PACC1: variants seen among roughly 807,000 people sequenced by gnomAD.
PACC1 encodes the protein proton-activated chloride channel.
PACC1 carries 34 observed loss-of-function variants against 39.7 expected under a neutral mutation model. The ratio of observed to expected loss-of-function variants is 0.86; its 90% CI spans 0.65 to 1.14. PACC1 has a LOEUF of 1.14. PACC1 is among the 50% of genes most tolerant of loss of function. The probability of loss-of-function intolerance (pLI) is 0.00; values close to 1 mark genes in which losing one functional copy is unlikely to be tolerated. For missense variants in PACC1, 379 were observed against 436.4 expected, an observed-to-expected ratio of 0.87 and a Z score of 1.17; for synonymous variants, 127 against 160.6, an observed-to-expected ratio of 0.79 and a Z score of 1.58.
chr1:212,380,137 G>C, intron 4 of PACC1, 100 bp from the exon 5 acceptor site: 1 of 1,298,734 alleles, frequency 7.7e-7, no homozygotes, highest in Non-Finnish European at 1.1e-6. Flanking sequence ...ATAGCTCCTT[G>C]CCCAGTGGTC....
rs792449 is a variant in PACC1, at chr1:212,386,985, G to A, written c.249C>T (p.Phe83=). Residue 83 remains phenylalanine (F), a synonymous_variant, in exon 3 of 8, where the codon TTC becomes TTT. Transcript: ENST00000261455. This position sits in a 1 kb window ranked among gnomAD's most constrained non-coding sequence, Gnocchi z 5.0. ...IYLLLMAVAV[F]LVYRTITDFR... is the part of the protein sequence containing the mutation. Reference sequence around the variant, plus strand: ...AGTCTGTGATGGTCCGGTAGACCAGGAAGACGGCCACAGCCATGAGCAGCA... The same window carrying A: ...AGTCTGTGATGGTCCGGTAGACCAGAAAGACGGCCACAGCCATGAGCAGCA... 0.017 allele frequency: 27,547 copies of A among 1,614,216 alleles called. 303 individuals are homozygous for A. Among genetic ancestry groups the A allele is most frequent in the Non-Finnish European group, 0.019 (22,249 of 1,180,042 alleles).
intron 1 of PACC1, among the ~76,000 whole-genome samples, chr1:212,411,016 T>C (rs1442723095): frequency 1.3e-5 from 2 of 152,232 alleles, no homozygotes; most frequent in Non-Finnish European, 2.9e-5. Context: ...ACCAGCCATG[T>C]TGGATTAGGG....
chr1:212,397,361 G>A (rs1168971057), intron 2 of PACC1, among the ~76,000 whole-genome samples: 5 of 152,094 alleles, frequency 3.3e-5, no homozygotes, highest in Admixed American at 6.5e-5. Flanking sequence ...GGACTAAACC[G>A]TCCAATTAAA....
At chr1:212,380,160 A>C in intron 4 of PACC1, 123 bp from the exon 5 acceptor site, 2 of 1,003,022 alleles carry the variant, frequency 2.0e-6, no homozygotes, top group South Asian at 3.2e-5. Context: ...CAAAGGGACC[A>C]CTAGCCAACA....
In PACC1 at chr1:212,414,877, C is replaced by T. The variant is rs1411853286; in HGVS notation, c.-120G>A. 20 of 1,333,810 alleles carry T rather than the reference C, an allele frequency of 1.5e-5. No individual in the cohort carries two copies. Among genetic ancestry groups the T allele is most frequent in the South Asian group, 7.8e-5 (6 of 76,894 alleles). 82.6% of individuals were successfully genotyped at this position (1,333,810 alleles called of 1,614,324 possible). A position where few individuals can be genotyped will look rare whatever the true frequency, so the allele number is the denominator to read the frequency against. On this transcript the variant is annotated 5_prime_UTR_variant, in exon 1 of 8. Transcript: ENST00000261455. ...GCGAGGCGAAACCGGTCCGGAGGGG[C>T]GTCCCAGAGACCAGGCGTGGCGATA... is the stretch of plus-strand genomic sequence containing the variant.
At position 212,365,278 on chromosome 1, in the gene PACC1, C is replaced by A; in HGVS notation, c.990G>T (p.Trp330Cys). Reference protein sequence around the residue: ...AAEFAKLSIKWMIKIRKRYLK... With the variant: ...AAEFAKLSIKCMIKIRKRYLK... ...GGTATCTCTTTCTAATTTTGATCAT[C>A]CATTTTATACTCAGTTTGGCAAACT... The change falls in exon 8 of 8, where the codon TGG becomes TGT. Residue 330 changes from tryptophan (W) to cysteine (C), a missense_variant. Trp to Cys is a radical substitution (Grantham distance 215, BLOSUM62 -2). Coordinates refer to ENST00000261455, the MANE Select transcript of PACC1 (RefSeq NM_018252.3). 1 of 1,613,594 alleles carries A rather than the reference C, an allele frequency of 6.2e-7. No homozygotes were observed. The highest frequency in any genetic ancestry group is 8.5e-7 in the Non-Finnish European group (1 of 1,179,816).
chr1:212,376,358 T>C (rs1300546625), intron 6 of PACC1, among the ~76,000 whole-genome samples: 1 of 152,170 alleles, frequency 6.6e-6, no homozygotes, highest in Non-Finnish European at 1.5e-5. Context: ...AAAGAGCTCA[T>C]AATGCCAACA....
intron 4 of PACC1, among the ~76,000 whole-genome samples, chr1:212,381,695 GCACACA>G (rs58078220): frequency 0.025 from 3,014 of 122,736 alleles, 115 homozygotes; most frequent in African/African-American, 0.08. Context: ...CACACACACT[GCACACA>G]CACACACACA....
rs939498179 is a variant in PACC1 at position 212,363,965 on chromosome 1, A to G, written c.*1250T>C. ...GTTCACTTTTAATCATTCATCCAAA[A>G]AACAGTTTCTTCCCATTTAAAATGC... On this transcript the variant is annotated 3_prime_UTR_variant, in exon 8 of 8. Coordinates refer to ENST00000261455, the MANE Select transcript of PACC1 (RefSeq NM_018252.3). 1 of 152,200 alleles carries G rather than the reference A, an allele frequency of 6.6e-6. No homozygotes were observed. The highest frequency in any genetic ancestry group is 1.9e-4 in the East Asian group (1 of 5,196). 9.4% of individuals were successfully genotyped at this position (152,200 alleles called of 1,614,324 possible). A position where few individuals can be genotyped will look rare whatever the true frequency, so the allele number is the denominator to read the frequency against.
At chr1:212,388,685 T>C (rs1171070150) in intron 2 of PACC1, among the ~76,000 whole-genome samples, 1 of 152,218 alleles carries the variant, frequency 6.6e-6, no homozygotes, top group African/African-American at 2.4e-5. Flanking sequence ...AATTCAATCC[T>C]GCTGGCACCT....
At chr1:212,375,826 A>G (rs1660645176) in intron 6 of PACC1, among the ~76,000 whole-genome samples, 1 of 152,190 alleles carries the variant, frequency 6.6e-6, no homozygotes, top group African/African-American at 2.4e-5. Context: ...CAGAGGTTGC[A>G]GTGAGCCGAA....
chr1:212,379,802 G>A lies in PACC1; in HGVS notation c.638+93C>T, dbSNP rs1660807577. On this transcript the variant is annotated intron_variant, in intron 5 of 7. Transcript: ENST00000261455. ...TCTGAGAATGCCCCTTCCCTTCCCT[G>A]CCCTCACCCCTCCGTCTCTAGCCTT... The A allele has an allele frequency of 2.0e-6, 3 of 1,514,068 alleles. No homozygotes were observed. In the South Asian group the frequency reaches 3.6e-5, roughly 18 times the overall value. 93.8% of individuals were successfully genotyped at this position (1,514,068 alleles called of 1,614,324 possible).
rs1662072033 is a variant in PACC1, at chr1:212,410,191, C to T, written c.133+234G>A. ...GATCCAAAGCATTTGCCATTGTATGCAATGACCTGACCTCAGGAAGTGGCT... is the reference window on the plus strand; with the variant it reads ...GATCCAAAGCATTTGCCATTGTATGTAATGACCTGACCTCAGGAAGTGGCT... On this transcript the variant is annotated intron_variant, in intron 2 of 7. Coordinates refer to ENST00000261455, the MANE Select transcript of PACC1 (RefSeq NM_018252.3). 5.8e-6 allele frequency: 3 copies of T among 513,838 alleles called. No homozygotes were observed. In the Admixed American group the frequency reaches 9.5e-5, roughly 16 times the overall value. The allele number at this position is 513,838 out of a possible 1,614,324, so 31.8% of individuals were successfully genotyped here.
chr1:212,384,149 T>TA (rs1661009482), intron 4 of PACC1, among the ~76,000 whole-genome samples: 1 of 152,204 alleles, frequency 6.6e-6, no homozygotes, highest in African/African-American at 2.4e-5. Flanking sequence ...TTTTATGCTT[T>TA]ATACCAGTTC....
At chr1:212,373,449 T>G (rs916035454) in intron 7 of PACC1, among the ~76,000 whole-genome samples, 7 of 152,156 alleles carry the variant, frequency 4.6e-5, no homozygotes, top group Non-Finnish European at 7.4e-5. Context: ...AAGATCTTTT[T>G]GGTAAGACCT....
intron 1 of PACC1, among the ~76,000 whole-genome samples, chr1:212,411,580 G>C (rs1263161681): frequency 6.6e-6 from 1 of 152,184 alleles, no homozygotes; most frequent in Non-Finnish European, 1.5e-5. Flanking sequence ...GAGGGCAAGA[G>C]AGCTCAAGAC....
chr1:212,411,162 AC>A (rs1352803113), intron 1 of PACC1, among the ~76,000 whole-genome samples: 2 of 152,204 alleles, frequency 1.3e-5, no homozygotes, highest in Admixed American at 6.5e-5. Flanking sequence ...AATTCAACCC[AC>A]AATATTTTCC....
At chr1:212,382,854 G>A (rs138985185) in intron 4 of PACC1, among the ~76,000 whole-genome samples, 2,365 of 152,286 alleles carry the variant, frequency 0.016, 28 homozygotes, top group Non-Finnish European at 0.022. Context: ...CCCAGGGGAC[G>A]AGGCCAGAGC....
At chr1:212,401,613 CTCT>C (rs1428610660) in intron 2 of PACC1, among the ~76,000 whole-genome samples, 3 of 119,304 alleles carry the variant, frequency 2.5e-5, no homozygotes, top group African/African-American at 9.1e-5. Flanking sequence ...GCAACAGAGA[CTCT>C]TGTCTCAAAA....
Sources: allele counts gnomAD v4.1 joint callset (sites outside exome capture counted in the v4.1 genomes callset), GRCh38; gene constraint gnomAD v4.1.1; non-coding constraint Gnocchi (gnomAD v3.1); transcripts MANE v1.5; gene names NCBI Gene and HGNC (gene_info 2026-07-23, HGNC 2026-07-21).